The following PKIG variants were observed in gnomAD, a reference collection of about 807,000 sequenced individuals.
The protein encoded by PKIG is cAMP-dependent protein kinase inhibitor gamma.
In PKIG, 1 loss-of-function variant was observed where a neutral mutation model predicts 6.8. The observed-to-expected ratio is 0.15, with a 90% confidence interval of 0.05 to 0.69. The LOEUF is 0.69. Ranked by LOEUF, PKIG falls within the 30% of genes least tolerant of loss-of-function variation. The pLI, the probability that PKIG is intolerant of heterozygous loss-of-function variation, is 0.82. For synonymous variants in PKIG, 39 were observed against 43.0 expected, an observed-to-expected ratio of 0.91 and a Z score of 0.36; for missense variants, 77 against 104.0, an observed-to-expected ratio of 0.74 and a Z score of 1.13.
At position 44,605,674 on chromosome 20, in the gene PKIG, G is replaced by A. The variant is rs372930820; in HGVS notation, c.-23-8860G>A. Among the ~76,000 whole-genome samples the A allele has an allele frequency of 8.5e-5, 13 of 152,108 alleles. No individual in the cohort carries two copies. The East Asian group carries it at 1.7e-3, about 20-fold the overall frequency. ...CACACCTGTAATCCCAGCAGTTTGGGAGGCTCAGGCAGGAGTATCACTTGA... is the reference window on the plus strand; with the variant it reads ...CACACCTGTAATCCCAGCAGTTTGGAAGGCTCAGGCAGGAGTATCACTTGA... On this transcript the variant is annotated intron_variant, in intron 2 of 3. Transcript: ENST00000372886.
intron 1 of PKIG, among the ~76,000 whole-genome samples, chr20:44,576,077 A>G (rs2064894706): frequency 6.6e-6 from 1 of 152,094 alleles, no homozygotes; most frequent in African/African-American, 2.4e-5. Flanking sequence ...CTTCAGCAAA[A>G]AGGCCCAATT....
intron 1 of PKIG, among the ~76,000 whole-genome samples, chr20:44,551,333 C>A (rs913856835): frequency 1.3e-5 from 2 of 152,148 alleles, no homozygotes; most frequent in African/African-American, 4.8e-5. Context: ...GGATTACAGG[C>A]GTGAGCCACC....
chr20:44,545,573 A>G (rs1039247941), intron 1 of PKIG, among the ~76,000 whole-genome samples: 2 of 152,180 alleles, frequency 1.3e-5, no homozygotes, highest in Non-Finnish European at 2.9e-5. Context: ...CTGTAATCCT[A>G]GCACTGGGAG....
At chr20:44,595,326 A>T (rs1178507329) in intron 2 of PKIG, among the ~76,000 whole-genome samples, 2 of 152,324 alleles carry the variant, frequency 1.3e-5, no homozygotes, top group South Asian at 2.1e-4. Context: ...GAGAGAACCC[A>T]AAGTGTTGTG....
chr20:44,538,289 C>T (rs953702636), intron 1 of PKIG, among the ~76,000 whole-genome samples: 6 of 152,128 alleles, frequency 3.9e-5, no homozygotes, highest in African/African-American at 1.4e-4. Context: ...TCATTTTAGT[C>T]CTCCTAACAA....
intron 2 of PKIG, among the ~76,000 whole-genome samples, chr20:44,610,896 T>G (rs1253621587): frequency 2.0e-5 from 3 of 152,150 alleles, no homozygotes; most frequent in African/African-American, 7.2e-5. Context: ...TGACATGTCA[T>G]TGTATATATT....
At chr20:44,611,857 G>A (rs926258689) in intron 2 of PKIG, among the ~76,000 whole-genome samples, 2 of 151,720 alleles carry the variant, frequency 1.3e-5, no homozygotes, top group African/African-American at 4.8e-5. Context: ...CCATGTATGC[G>A]TAAAATCATG....
intron 2 of PKIG, among the ~76,000 whole-genome samples, chr20:44,608,821 A>C (rs913207246): frequency 6.6e-6 from 1 of 151,248 alleles, no homozygotes; most frequent in African/African-American, 2.4e-5. Context: ...AAAAAATACT[A>C]TGAGGAACAT....
At chr20:44,573,637 C>T (rs2064872361) in intron 1 of PKIG, among the ~76,000 whole-genome samples, 2 of 152,212 alleles carry the variant, frequency 1.3e-5, no homozygotes, top group South Asian at 4.1e-4. Context: ...TCACAGGCCT[C>T]GCCCACACTG....
At chr20:44,544,289 T>G (rs2064590487) in intron 1 of PKIG, among the ~76,000 whole-genome samples, 1 of 152,144 alleles carries the variant, frequency 6.6e-6, no homozygotes, top group African/African-American at 2.4e-5. Flanking sequence ...GAAACAGAAT[T>G]GTGTTTCTGT....
chr20:44,612,903 C>T (rs527381389), intron 2 of PKIG, among the ~76,000 whole-genome samples: 1 of 152,294 alleles, frequency 6.6e-6, no homozygotes, highest in East Asian at 1.9e-4. Context: ...CCTCTGTGTT[C>T]ATTTCTGGAG....
At chr20:44,534,804 C>T (rs1306969131) in intron 1 of PKIG, among the ~76,000 whole-genome samples, 1 of 152,040 alleles carries the variant, frequency 6.6e-6, no homozygotes, top group Non-Finnish European at 1.5e-5. Flanking sequence ...GTGATGTTTA[C>T]AACAACCCTG....
At position 44,558,574 on chromosome 20, in the gene PKIG, T is replaced by TCTTTTTTTC. The variant is rs1555835144; in HGVS notation, c.-240-24011_-240-24010insCTTTTTTTC. Among the ~76,000 whole-genome samples the TCTTTTTTTC allele has an allele frequency of 2.6e-3, 346 of 131,990 alleles. 3 individuals carry two copies. The highest frequency in any genetic ancestry group is 9.9e-3 in the African/African-American group (320 of 32,416). 86.6% of individuals were successfully genotyped at this position (131,990 alleles called of 152,430 possible). A position where few individuals can be genotyped will look rare whatever the true frequency, so the allele number is the denominator to read the frequency against. On this transcript the variant is annotated intron_variant, in intron 1 of 4. Transcript: ENST00000372887. ...ATTTCTTTTTCTTTCTTTTTTTCTT[T>TCTTTTTTTC]TTTCTTTCTTTCTTTCTTTCTTTCT...
intron 1 of PKIG, among the ~76,000 whole-genome samples, chr20:44,553,880 G>T (rs1277908376): frequency 6.6e-6 from 1 of 151,966 alleles, no homozygotes; most frequent in Non-Finnish European, 1.5e-5. Context: ...GTTAGTTAGG[G>T]GAATGTGGGG....
intron 1 of PKIG, among the ~76,000 whole-genome samples, chr20:44,588,054 A>C (rs987864456): frequency 2.6e-5 from 4 of 152,236 alleles, no homozygotes; most frequent in African/African-American, 7.2e-5. Flanking sequence ...CACATTGTGA[A>C]AATGTGCCCC....
At chr20:44,616,054 T>G (rs1360671672) in intron 3 of PKIG, among the ~76,000 whole-genome samples, 1 of 152,092 alleles carries the variant, frequency 6.6e-6, no homozygotes, top group Non-Finnish European at 1.5e-5. Flanking sequence ...TCAACTCTCA[T>G]CCTCTCGCCA....
chr20:44,586,772 T>G (rs2064993293), intron 1 of PKIG, among the ~76,000 whole-genome samples: 1 of 152,216 alleles, frequency 6.6e-6, no homozygotes, highest in South Asian at 2.1e-4. Context: ...AGAAATGTCT[T>G]AGGAAAACTT....
chr20:44,537,081 C>A (rs1208315801), intron 1 of PKIG, among the ~76,000 whole-genome samples: 4 of 152,094 alleles, frequency 2.6e-5, no homozygotes. Flanking sequence ...AAGCACTTGC[C>A]ATTATGCCCG....
Position 44,552,700 on chromosome 20 carries a change from A to G in PKIG, c.-241+20722A>G, listed in dbSNP as rs545446529. Reference sequence around the variant, plus strand: ...ACAACCATCTTACAGGATTGTTGTAAAGTTTAAAGATGAATTGTATGAAGC... The same window carrying G: ...ACAACCATCTTACAGGATTGTTGTAGAGTTTAAAGATGAATTGTATGAAGC... On this transcript the variant is annotated intron_variant, in intron 1 of 4. Transcript: ENST00000372887. 1.3e-4 allele frequency among the ~76,000 whole-genome samples: 20 copies of G among 152,280 alleles called. No homozygotes were observed. In the South Asian group the frequency reaches 2.3e-3, roughly 17 times the overall value.
Sources: gnomAD v4.1 joint callset for allele counts (sites outside exome capture counted in the v4.1 genomes callset) on GRCh38, gnomAD v4.1.1 for gene constraint, MANE v1.5 for transcripts, NCBI Gene and HGNC (gene_info 2026-07-23, HGNC 2026-07-21) for gene names.